The following AGBL1 variants were observed in gnomAD, a reference collection of about 807,000 sequenced individuals.
AGBL1 encodes the protein AGBL carboxypeptidase 1.
Under a neutral mutation model 118.9 loss-of-function variants are expected in AGBL1, and 130 were observed. That is an observed-to-expected ratio of 1.09 (90% CI 0.95 to 1.26). AGBL1 has a LOEUF of 1.26. Ranked by LOEUF, AGBL1 falls within the 50% of genes most tolerant of loss-of-function variation. The pLI, the probability that AGBL1 is intolerant of heterozygous loss-of-function variation, is 0.00. For synonymous variants in AGBL1, 555 were observed against 478.9 expected (o/e 1.16, Z -2.08); for missense variants, 1,584 against 1,298.1 (o/e 1.22, Z -3.38).
intron 22 of AGBL1, among the ~76,000 whole-genome samples, chr15:86,840,682 C>T (rs935207171): frequency 2.0e-5 from 3 of 152,052 alleles, no homozygotes; most frequent in Non-Finnish European, 4.4e-5. Context: ...TCAGGTGATC[C>T]ACCCACCTCA....
At chr15:86,347,779 T>A (rs528931099) in intron 17 of AGBL1, among the ~76,000 whole-genome samples, 8 of 152,210 alleles carry the variant, frequency 5.3e-5, no homozygotes, top group Non-Finnish European at 7.3e-5. Flanking sequence ...GAGCTTCATA[T>A]CCCCAAGAAG....
At chr15:86,374,752 G>T (rs1259177864) in intron 17 of AGBL1, among the ~76,000 whole-genome samples, 1 of 152,190 alleles carries the variant, frequency 6.6e-6, no homozygotes, top group Non-Finnish European at 1.5e-5. Flanking sequence ...AATGTAGCAG[G>T]GCTTAGTTAA....
chr15:86,563,617 G>T (rs537021012), intron 21 of AGBL1, among the ~76,000 whole-genome samples: 8 of 152,130 alleles, frequency 5.3e-5, no homozygotes, highest in African/African-American at 1.9e-4. Flanking sequence ...GTTGATTTGG[G>T]GTGGATGGTT....
At chr15:86,990,273 G>C (rs1018879740) in intron 24 of AGBL1, among the ~76,000 whole-genome samples, 4 of 152,152 alleles carry the variant, frequency 2.6e-5, no homozygotes, top group African/African-American at 9.7e-5. Context: ...CCAGCACTTT[G>C]GGAGGCTGAG....
At chr15:86,884,275 A>G (rs2079937997) in intron 22 of AGBL1, among the ~76,000 whole-genome samples, 1 of 152,202 alleles carries the variant, frequency 6.6e-6, no homozygotes, top group African/African-American at 2.4e-5. Context: ...ATGGGCAGGT[A>G]GTATACACAG....
chr15:86,168,019 C>T (rs1347795961), intron 5 of AGBL1, among the ~76,000 whole-genome samples: 1 of 152,140 alleles, frequency 6.6e-6, no homozygotes, highest in Admixed American at 6.5e-5. Context: ...TCAATAAATG[C>T]CAGTTGAATG....
intron 18 of AGBL1, among the ~76,000 whole-genome samples, chr15:86,459,079 A>G (rs1213938937): frequency 6.6e-6 from 1 of 152,152 alleles, no homozygotes; most frequent in Non-Finnish European, 1.5e-5. Context: ...GATCCAAGAA[A>G]CTAGAAGTTT....
intron 24 of AGBL1, among the ~76,000 whole-genome samples, chr15:87,001,158 A>G (rs556921242): frequency 0.033 from 4,759 of 145,496 alleles, 111 homozygotes; most frequent in Middle Eastern, 0.062. Context: ...TAGATATACA[A>G]TCATGTCATC....
intron 11 of AGBL1, among the ~76,000 whole-genome samples, chr15:86,265,587 C>G (rs921372197): frequency 6.6e-6 from 1 of 152,232 alleles, no homozygotes; most frequent in Non-Finnish European, 1.5e-5. Context: ...AAATTATTCT[C>G]TTGATGGTAA....
intron 18 of AGBL1, among the ~76,000 whole-genome samples, chr15:86,441,317 G>C (rs10438421): frequency 0.14 from 22,027 of 152,112 alleles, 1,780 homozygotes; most frequent in South Asian, 0.21. Flanking sequence ...TATTGACCTA[G>C]TGTTTTTCCT....
chr15:86,450,114 T>C (rs1392043963), intron 18 of AGBL1, among the ~76,000 whole-genome samples: 1 of 152,212 alleles, frequency 6.6e-6, no homozygotes, highest in Non-Finnish European at 1.5e-5. Flanking sequence ...TTGAAAATCA[T>C]GTCTCTATTT....
chr15:86,722,558 A>T (rs2142725544), intron 22 of AGBL1, among the ~76,000 whole-genome samples: 1 of 152,326 alleles, frequency 6.6e-6, no homozygotes, highest in South Asian at 2.1e-4. Flanking sequence ...AAAACCCTAG[A>T]AGAAAACCTA....
chr15:86,891,235 G>C lies in AGBL1; in HGVS notation c.3159-15852G>C, dbSNP rs896261647. 2.6e-5 allele frequency among the ~76,000 whole-genome samples: 4 copies of C among 152,068 alleles called. No individual in the cohort carries two copies. The South Asian group carries it at 8.3e-4, about 32-fold the overall frequency. ...CTAGCAATTTTTGTACGTTGATGTT[G>C]TATCCTGAGACTTTGCTGAAATTTC... On this transcript the variant is annotated intron_variant, in intron 22 of 22. Transcript: ENST00000614907.
intron 17 of AGBL1, among the ~76,000 whole-genome samples, chr15:86,381,738 G>A (rs1421342427): frequency 1.3e-5 from 2 of 152,154 alleles, no homozygotes; most frequent in African/African-American, 4.8e-5. Context: ...GAGAGGGCGT[G>A]AGAGGGCTTT....
chr15:86,433,266 CTTTTTTTTTTTTTTTTTT>C (rs59417397), intron 18 of AGBL1, among the ~76,000 whole-genome samples: 1 of 74,886 alleles, frequency 1.3e-5, no homozygotes. Flanking sequence ...CCTCCTTCTT[CTTTTTTTTTTTTTTTTTT>C]TTTTTTTTTG....
chr15:86,854,607 C>T (rs1332402420), intron 22 of AGBL1, among the ~76,000 whole-genome samples: 2 of 152,148 alleles, frequency 1.3e-5, no homozygotes, highest in African/African-American at 4.8e-5. Context: ...TTGCCTGAGC[C>T]AGTTTTCTAA....
intron 5 of AGBL1, among the ~76,000 whole-genome samples, chr15:86,221,439 TTAGCA>T (rs1379245551): frequency 6.6e-6 from 1 of 152,238 alleles, no homozygotes; most frequent in African/African-American, 2.4e-5. Flanking sequence ...TTTTGTGGGC[TTAGCA>T]GTTGGTTGAC....
intron 17 of AGBL1, among the ~76,000 whole-genome samples, chr15:86,387,381 G>A (rs1296423071): frequency 6.6e-6 from 1 of 152,142 alleles, no homozygotes; most frequent in African/African-American, 2.4e-5. Context: ...AGGAGACTAA[G>A]GACTGTGGGT....
chr15:86,347,446 T>C (rs1234150402), intron 17 of AGBL1, among the ~76,000 whole-genome samples: 11 of 152,194 alleles, frequency 7.2e-5, no homozygotes, highest in Admixed American at 5.9e-4. Flanking sequence ...CTGCAATGGG[T>C]GAGTCATTGG....
Sources: allele counts gnomAD v4.1 joint callset (sites outside exome capture counted in the v4.1 genomes callset), GRCh38; gene constraint gnomAD v4.1.1; transcripts MANE v1.5; gene names NCBI Gene and HGNC (gene_info 2026-07-23, HGNC 2026-07-21).